SNTG1: variants seen among roughly 807,000 people sequenced by gnomAD.
SNTG1 encodes syntrophin gamma 1.
SNTG1 carries 39 observed loss-of-function variants against 74.7 expected under a neutral mutation model. The ratio of observed to expected loss-of-function variants is 0.52; its 90% CI spans 0.40 to 0.68. The LOEUF is 0.68. SNTG1 is among the 30% of genes least tolerant of loss of function. The pLI, the probability that SNTG1 is intolerant of heterozygous loss-of-function variation, is 0.00. For missense variants in SNTG1, 685 were observed against 609.5 expected (o/e 1.12, Z -1.30); for synonymous variants, 254 against 217.1 (o/e 1.17, Z -1.49).
At chr8:50,530,893 TCA>T (rs2094261344) in intron 10 of SNTG1, among the ~76,000 whole-genome samples, 1 of 152,202 alleles carries the variant, frequency 6.6e-6, no homozygotes, top group Non-Finnish European at 1.5e-5. Flanking sequence ...TTCAAAACAC[TCA>T]CACATTCTTA....
chr8:50,544,958 A>C (rs2094376074), intron 11 of SNTG1, among the ~76,000 whole-genome samples: 1 of 152,030 alleles, frequency 6.6e-6, no homozygotes, highest in Non-Finnish European at 1.5e-5. Flanking sequence ...ATATATATGT[A>C]TATATGAATG....
intron 1 of SNTG1, among the ~76,000 whole-genome samples, chr8:50,106,467 G>A (rs2080376363): frequency 6.6e-6 from 1 of 152,108 alleles, no homozygotes; most frequent in Admixed American, 6.6e-5. Flanking sequence ...AATAGTGAGG[G>A]TTGGCCATCC....
intron 8 of SNTG1, among the ~76,000 whole-genome samples, chr8:50,494,695 A>G (rs1423855098): frequency 6.6e-6 from 1 of 152,102 alleles, no homozygotes; most frequent in Non-Finnish European, 1.5e-5. Context: ...AGCCACGTGA[A>G]CTACCTAATA....
At chr8:50,374,634 G>T (rs2092338596) in intron 2 of SNTG1, among the ~76,000 whole-genome samples, 1 of 152,144 alleles carries the variant, frequency 6.6e-6, no homozygotes, top group South Asian at 2.1e-4. Context: ...AGAGCTCCAG[G>T]CTTCAAGAAG....
chr8:50,372,183 A>G (rs2092284074), intron 2 of SNTG1, among the ~76,000 whole-genome samples: 1 of 148,590 alleles, frequency 6.7e-6, no homozygotes, highest in African/African-American at 2.5e-5. Flanking sequence ...TTTCCTCTCT[A>G]GCTGCTTTCA....
intron 5 of SNTG1, among the ~76,000 whole-genome samples, chr8:50,443,417 G>A (rs2093376631): frequency 6.6e-6 from 1 of 151,962 alleles, no homozygotes; most frequent in Admixed American, 6.6e-5. Flanking sequence ...TGCAATCAAA[G>A]GTGATTTCTA....
At chr8:50,394,449 G>A (rs2092702518) in intron 3 of SNTG1, among the ~76,000 whole-genome samples, 184 bp downstream of exon 3, 1 of 152,178 alleles carries the variant, frequency 6.6e-6, no homozygotes, top group Non-Finnish European at 1.5e-5. Flanking sequence ...TGCATGGAAA[G>A]CCTTGGACTT....
rs530004904 is a variant in SNTG1, at chr8:50,599,793, T to A, written c.849+8876T>A. On this transcript the variant is annotated intron_variant, in intron 13 of 18. Transcript: ENST00000642720. ...TTCTTCTTTTCCAATTTCGATGCTG[T>A]TTATTTCTTTCTCTTCTTTGATTGC... 6.6e-5 allele frequency among the ~76,000 whole-genome samples: 10 copies of A among 152,266 alleles called. No homozygotes were observed. The South Asian group carries it at 2.1e-3, about 32-fold the overall frequency.
intron 15 of SNTG1, among the ~76,000 whole-genome samples, chr8:50,684,121 C>G (rs1326345267): frequency 6.6e-6 from 1 of 152,138 alleles, no homozygotes; most frequent in Non-Finnish European, 1.5e-5. Flanking sequence ...GGCCAAATGA[C>G]CAACCATAAT....
rs773203151 is a variant in SNTG1, at chr8:50,656,905, G to A, written c.850-4G>A. On this transcript the variant is annotated splice_polypyrimidine_tract_variant and splice_region_variant and intron_variant, in intron 13 of 18. Coordinates refer to ENST00000642720, the MANE Select transcript of SNTG1 (RefSeq NM_018967.5). ...ACAGTTGATTGTATTCCATTTTCTT[G>A]CAGATTGTCTACATGGGCTGGTGTG... 3.1e-6 allele frequency: 5 copies of A among 1,595,826 alleles called. No homozygotes were observed. The highest frequency in any genetic ancestry group is 1.1e-5 in the South Asian group (1 of 89,266).
chr8:50,722,800 AT>A (rs1170838674), intron 17 of SNTG1, among the ~76,000 whole-genome samples: 1 of 152,160 alleles, frequency 6.6e-6, no homozygotes. Context: ...TATGGGAAAT[AT>A]TTAATTGTAT....
chr8:50,038,035 A>G (rs1479615746), intron 1 of SNTG1, among the ~76,000 whole-genome samples: 2 of 152,112 alleles, frequency 1.3e-5, no homozygotes, highest in African/African-American at 4.8e-5. Flanking sequence ...CCACACTCCA[A>G]CTACGATACG....
At chr8:49,971,547 T>A (rs1811674835) in intron 1 of SNTG1, among the ~76,000 whole-genome samples, 1 of 152,134 alleles carries the variant, frequency 6.6e-6, no homozygotes, top group African/African-American at 2.4e-5. Flanking sequence ...ATAAAGGGTA[T>A]TCAATTAGGA....
chr8:50,391,094 C>T (rs927698462), intron 2 of SNTG1, among the ~76,000 whole-genome samples: 1 of 152,154 alleles, frequency 6.6e-6, no homozygotes, highest in African/African-American at 2.4e-5. Flanking sequence ...CTGGCCAGAA[C>T]TTCCAACACT....
intron 1 of SNTG1, among the ~76,000 whole-genome samples, chr8:49,942,117 T>A (rs1808746943): frequency 6.6e-6 from 1 of 152,104 alleles, no homozygotes; most frequent in African/African-American, 2.4e-5. Flanking sequence ...TGAACATTAG[T>A]AGAGAGGAGT....
chr8:49,923,396 A>C (rs951829844), intron 1 of SNTG1, among the ~76,000 whole-genome samples: 4 of 152,138 alleles, frequency 2.6e-5, no homozygotes, highest in Non-Finnish European at 5.9e-5. Context: ...AATTATTTAC[A>C]TTATTTTTAT....
chr8:50,335,935 T>G (rs1029586798), intron 2 of SNTG1, among the ~76,000 whole-genome samples: 14 of 152,192 alleles, frequency 9.2e-5, no homozygotes, highest in African/African-American at 2.2e-4. Flanking sequence ...TCATGTTATA[T>G]AGGTATATAA....
At chr8:50,259,080 T>G (rs2087025363) in intron 2 of SNTG1, among the ~76,000 whole-genome samples, 1 of 152,184 alleles carries the variant, frequency 6.6e-6, no homozygotes. Flanking sequence ...GATTAATAGA[T>G]GACTTCTCAT....
chr8:50,188,114 A>T (rs1473502242), intron 2 of SNTG1, among the ~76,000 whole-genome samples: 1 of 152,154 alleles, frequency 6.6e-6, no homozygotes, highest in Non-Finnish European at 1.5e-5. Context: ...GGTCTACTGA[A>T]TCCACTTATT....
Sources: gnomAD v4.1 joint callset for allele counts (sites outside exome capture counted in the v4.1 genomes callset) on GRCh38, gnomAD v4.1.1 for gene constraint, MANE v1.5 for transcripts, NCBI Gene and HGNC (gene_info 2026-07-23, HGNC 2026-07-21) for gene names.